MAPKAP1: variants seen among roughly 807,000 people sequenced by gnomAD.
MAPKAP1 encodes the protein target of rapamycin complex 2 subunit MAPKAP1.
Under a neutral mutation model 65.7 loss-of-function variants are expected in MAPKAP1, and 20 were observed. The observed-to-expected ratio is 0.30, with a 90% CI of 0.21 to 0.44. The LOEUF (loss-of-function observed/expected upper bound fraction) is 0.44. MAPKAP1 is among the 20% of genes least tolerant of loss of function. The pLI, the probability that MAPKAP1 is intolerant of heterozygous loss-of-function variation, is 1.00. For synonymous variants in MAPKAP1, 222 were observed against 244.3 expected (o/e 0.91, Z 0.85); for missense variants, 423 against 648.0 (o/e 0.65, Z 3.77).
intron 10 of MAPKAP1, among the ~76,000 whole-genome samples, chr9:125,449,902 G>A (rs144000950): frequency 6.6e-6 from 1 of 152,116 alleles, no homozygotes; most frequent in Non-Finnish European, 1.5e-5. Flanking sequence ...CTGAAAGAAG[G>A]GTCTTTTTTT....
At chr9:125,478,687 T>C (rs1854196404) in intron 9 of MAPKAP1, among the ~76,000 whole-genome samples, 1 of 152,088 alleles carries the variant, frequency 6.6e-6, no homozygotes, top group Non-Finnish European at 1.5e-5. Flanking sequence ...ACAGATTGGG[T>C]CTGGCGTATG....
intron 4 of MAPKAP1, among the ~76,000 whole-genome samples, chr9:125,632,380 C>T (rs962185176): frequency 6.6e-6 from 1 of 152,172 alleles, no homozygotes; most frequent in Non-Finnish European, 1.5e-5. Flanking sequence ...TTAGTCAAGT[C>T]CCTGGCACAT....
intron 6 of MAPKAP1, among the ~76,000 whole-genome samples, chr9:125,544,007 T>C (rs1369710960): frequency 1.3e-5 from 2 of 150,568 alleles, no homozygotes; most frequent in African/African-American, 4.8e-5. Flanking sequence ...AGTAAATATA[T>C]TTCTTTATTC....
At chr9:125,626,380 G>A (rs1406560762) in intron 4 of MAPKAP1, among the ~76,000 whole-genome samples, 2 of 152,196 alleles carry the variant, frequency 1.3e-5, no homozygotes, top group East Asian at 3.8e-4. Context: ...CCCATTACTG[G>A]CACAGAAGGG....
At chr9:125,626,135 C>G (rs1833112117) in intron 4 of MAPKAP1, among the ~76,000 whole-genome samples, 1 of 152,212 alleles carries the variant, frequency 6.6e-6, no homozygotes, top group Non-Finnish European at 1.5e-5. Flanking sequence ...TGTAAGGGAA[C>G]TAGGTAAGGA....
At chr9:125,679,279 G>A (rs1034674260) in intron 1 of MAPKAP1, among the ~76,000 whole-genome samples, 3 of 152,178 alleles carry the variant, frequency 2.0e-5, no homozygotes, top group Admixed American at 6.5e-5. Flanking sequence ...TGGAATTACA[G>A]GCGTGAGCCA....
intron 9 of MAPKAP1, among the ~76,000 whole-genome samples, chr9:125,474,031 C>G (rs1164023809): frequency 2.6e-5 from 4 of 152,166 alleles, no homozygotes; most frequent in Non-Finnish European, 4.4e-5. Context: ...GAATATTACT[C>G]CTTCTAATGA....
rs1426933465 is a variant in MAPKAP1, at chr9:125,672,411, T to G, written c.164A>C (p.Gln55Pro). The G allele has an allele frequency of 6.2e-7, 1 of 1,614,076 alleles. No individual in the cohort carries two copies. The highest frequency in any genetic ancestry group is 8.5e-7 in the Non-Finnish European group (1 of 1,180,030). ...SMPGDSGSEI[Q>P]GSNGETQGYV... ...GCCCTGAGTCTCACCATTGCTTCCC[T>G]GAATTTCTGACCCACTGTCTCCAGG... Residue 55 changes from glutamine (Q) to proline (P), a missense_variant, in exon 2 of 12, where the codon CAG becomes CCG. Transcript: ENST00000265960.
At chr9:125,678,137 T>C (rs1192628502) in intron 1 of MAPKAP1, among the ~76,000 whole-genome samples, 1 of 152,136 alleles carries the variant, frequency 6.6e-6, no homozygotes, top group Non-Finnish European at 1.5e-5. Context: ...AGGCTGGTCT[T>C]GAACTCCTAG....
intron 7 of MAPKAP1, among the ~76,000 whole-genome samples, chr9:125,522,375 T>G (rs770892081): frequency 5.9e-5 from 9 of 152,214 alleles, no homozygotes; most frequent in Non-Finnish European, 1.0e-4. Flanking sequence ...AATCAGTTGG[T>G]TCATCAAACT....
chr9:125,535,749 T>C (rs1830057423), intron 7 of MAPKAP1, among the ~76,000 whole-genome samples: 2 of 152,224 alleles, frequency 1.3e-5, no homozygotes, highest in Non-Finnish European at 1.5e-5. Context: ...TATGTACACG[T>C]AATGTAGAAT....
intron 2 of MAPKAP1, among the ~76,000 whole-genome samples, chr9:125,670,647 A>T (rs919140976): frequency 5.9e-5 from 9 of 152,208 alleles, no homozygotes; most frequent in African/African-American, 2.2e-4. Flanking sequence ...AGAGTCACCT[A>T]AAATTATGCA....
intron 5 of MAPKAP1, among the ~76,000 whole-genome samples, chr9:125,563,329 G>C (rs914675375): frequency 1.3e-5 from 2 of 152,202 alleles, no homozygotes; most frequent in African/African-American, 4.8e-5. Flanking sequence ...TTGGTGGAAA[G>C]AACAGGGATT....
intron 10 of MAPKAP1, among the ~76,000 whole-genome samples, chr9:125,462,440 G>C (rs1316043351): frequency 6.6e-6 from 1 of 152,222 alleles, no homozygotes; most frequent in African/African-American, 2.4e-5. Flanking sequence ...ACAATCCCCT[G>C]CAGCTGGAAT....
chr9:125,693,522 T>C (rs1316709109), intron 1 of MAPKAP1, among the ~76,000 whole-genome samples: 1 of 114,592 alleles, frequency 8.7e-6, no homozygotes. Context: ...CACACACATA[T>C]ATACACATAT....
chr9:125,458,427 C>A (rs935768550), intron 10 of MAPKAP1, among the ~76,000 whole-genome samples: 1 of 151,978 alleles, frequency 6.6e-6, no homozygotes, highest in Non-Finnish European at 1.5e-5. Flanking sequence ...TCTTAACGAG[C>A]ATGCTGCCTT....
intron 5 of MAPKAP1, among the ~76,000 whole-genome samples, chr9:125,562,120 A>G (rs981831219): frequency 5.9e-5 from 9 of 152,236 alleles, no homozygotes; most frequent in Non-Finnish European, 1.2e-4. Context: ...ACAGAGGTTC[A>G]GGGGCAAATA....
intron 9 of MAPKAP1, among the ~76,000 whole-genome samples, chr9:125,475,073 C>T (rs1227185325): frequency 2.0e-5 from 3 of 152,158 alleles, no homozygotes; most frequent in Admixed American, 2.0e-4. Flanking sequence ...GCTGTTTGGG[C>T]TTAATGAGAC....
intron 1 of MAPKAP1, among the ~76,000 whole-genome samples, chr9:125,698,307 ATATATATATATAT>A: frequency 1.9e-5 from 1 of 53,224 alleles, no homozygotes; most frequent in Non-Finnish European, 3.4e-5. Context: ...ATATATATAT[ATATATATATATAT>A]ATATATATAT....
Sources: gnomAD v4.1 joint callset for allele counts (sites outside exome capture counted in the v4.1 genomes callset) on GRCh38, gnomAD v4.1.1 for gene constraint, MANE v1.5 for transcripts, NCBI Gene and HGNC (gene_info 2026-07-23, HGNC 2026-07-21) for gene names.